The following CNTN5 variants were observed in gnomAD, a reference collection of about 807,000 sequenced individuals.
CNTN5 encodes contactin-5.
In CNTN5, 77 loss-of-function variants were observed where a neutral mutation model predicts 129.1. That is an observed-to-expected ratio of 0.60 (90% confidence interval 0.50 to 0.72). CNTN5 has a LOEUF of 0.72. Among genes scored for constraint, CNTN5 ranks in the 30% least tolerant of loss-of-function variants. The probability of loss-of-function intolerance (pLI) is 0.00; values close to 1 mark genes in which losing one functional copy is unlikely to be tolerated. For missense variants in CNTN5, 1,478 were observed against 1,328.8 expected (o/e 1.11, Z -1.75); for synonymous variants, 509 against 465.6 (o/e 1.09, Z -1.20).
At chr11:99,590,624 T>C (rs1430979794) in intron 3 of CNTN5, among the ~76,000 whole-genome samples, 1 of 152,230 alleles carries the variant, frequency 6.6e-6, no homozygotes, top group African/African-American at 2.4e-5. Context: ...AAAGCCACTA[T>C]GCAGAGTCAT....
chr11:100,289,663 G>T (rs1437322304), intron 18 of CNTN5, among the ~76,000 whole-genome samples: 1 of 151,518 alleles, frequency 6.6e-6, no homozygotes, highest in Non-Finnish European at 1.5e-5. Context: ...ATACCGAATG[G>T]GCAAAAACTG....
chr11:99,271,686 G>T (rs1235225403), intron 1 of CNTN5, among the ~76,000 whole-genome samples: 8 of 151,806 alleles, frequency 5.3e-5, no homozygotes, highest in African/African-American at 1.7e-4. Flanking sequence ...TAGAGCTGCA[G>T]AATTCACTTC....
At chr11:99,251,702 T>TGTA (rs1862113640) in intron 1 of CNTN5, among the ~76,000 whole-genome samples, 1 of 151,950 alleles carries the variant, frequency 6.6e-6, no homozygotes, top group Non-Finnish European at 1.5e-5. Context: ...CGTACAAATA[T>TGTA]GTAGCCTAAT....
At chr11:99,090,228 T>C (rs1169798815) in intron 1 of CNTN5, among the ~76,000 whole-genome samples, 1 of 152,028 alleles carries the variant, frequency 6.6e-6, no homozygotes, top group Non-Finnish European at 1.5e-5. Context: ...GAACCACTTA[T>C]GTTTTTTAAT....
intron 15 of CNTN5, among the ~76,000 whole-genome samples, chr11:100,221,178 A>C (rs1385123598): frequency 6.6e-6 from 1 of 152,216 alleles, no homozygotes; most frequent in Non-Finnish European, 1.5e-5. Context: ...CAGGAAAAGA[A>C]AAAAGAAAGA....
intron 9 of CNTN5, among the ~76,000 whole-genome samples, chr11:100,031,948 C>G (rs570560068): frequency 9.7e-4 from 147 of 152,248 alleles, no homozygotes; most frequent in African/African-American, 3.2e-3. Context: ...TGGTGACCCC[C>G]CTGGACCCAG....
chr11:99,619,432 C>T (rs1298230845), intron 3 of CNTN5, among the ~76,000 whole-genome samples: 5 of 151,970 alleles, frequency 3.3e-5, no homozygotes, highest in African/African-American at 2.4e-5. Context: ...CTAAAATTGA[C>T]CATTTTATGA....
At chr11:99,340,695 A>G (rs1159032170) in intron 2 of CNTN5, among the ~76,000 whole-genome samples, 1 of 152,206 alleles carries the variant, frequency 6.6e-6, no homozygotes, top group East Asian at 1.9e-4. Context: ...TAGGAGAAAA[A>G]GCAAAGAAAG....
At chr11:99,391,050 A>G (rs1941233482) in intron 2 of CNTN5, among the ~76,000 whole-genome samples, 1 of 152,094 alleles carries the variant, frequency 6.6e-6, no homozygotes, top group Non-Finnish European at 1.5e-5. Flanking sequence ...TAATTCAACC[A>G]AAGTAAATAA....
chr11:99,167,482 G>A (rs1940487), intron 1 of CNTN5, among the ~76,000 whole-genome samples: 65,411 of 151,872 alleles, frequency 0.43, 14,938 homozygotes, highest in East Asian at 0.81. Context: ...TGTAAATGCA[G>A]CTACAGAATA....
intron 1 of CNTN5, among the ~76,000 whole-genome samples, chr11:99,072,114 G>A (rs1865363080): frequency 6.6e-6 from 1 of 152,060 alleles, no homozygotes; most frequent in Admixed American, 6.6e-5. Context: ...ACTACTCAAT[G>A]TTGATAGAAA....
At chr11:99,391,003 A>T (rs1440009598) in intron 2 of CNTN5, among the ~76,000 whole-genome samples, 1 of 152,058 alleles carries the variant, frequency 6.6e-6, no homozygotes, top group East Asian at 1.9e-4. Context: ...AATGATTTTA[A>T]CTAAATAACT....
Position 99,451,647 on chromosome 11 carries a change from G to A in CNTN5, c.-70-104498G>A, listed in dbSNP as rs543210452. 7.2e-5 allele frequency among the ~76,000 whole-genome samples: 11 copies of A among 152,060 alleles called. No individual in the cohort carries two copies. In the South Asian group the frequency reaches 2.3e-3, roughly 31 times the overall value. On this transcript the variant is annotated intron_variant, in intron 2 of 24. Coordinates refer to ENST00000524871, the MANE Select transcript of CNTN5 (RefSeq NM_014361.4). Reference sequence around the variant, plus strand: ...TTTTGCCGTGTCTGAAGGATTAGGCGGTAGACATAAGAAATAAAATTATCC... The same window carrying A: ...TTTTGCCGTGTCTGAAGGATTAGGCAGTAGACATAAGAAATAAAATTATCC...
At chr11:99,772,807 T>G (rs1944990555) in intron 3 of CNTN5, among the ~76,000 whole-genome samples, 1 of 152,052 alleles carries the variant, frequency 6.6e-6, no homozygotes, top group Admixed American at 6.6e-5. Flanking sequence ...AGGGCAGTAC[T>G]TCCAGTCTTT....
intron 2 of CNTN5, among the ~76,000 whole-genome samples, chr11:99,353,292 A>G (rs1164406128): frequency 6.6e-6 from 1 of 152,206 alleles, no homozygotes; most frequent in Non-Finnish European, 1.5e-5. Flanking sequence ...AAACTGATGT[A>G]AGTGTACTTC....
chr11:99,677,456 G>A (rs1024902684), intron 3 of CNTN5, among the ~76,000 whole-genome samples: 6 of 152,030 alleles, frequency 3.9e-5, no homozygotes, highest in Admixed American at 6.6e-5. Context: ...TGAACCAGCC[G>A]GTCAAGTTTA....
chr11:99,766,290 G>A (rs187768440), intron 3 of CNTN5, among the ~76,000 whole-genome samples: 6 of 152,068 alleles, frequency 3.9e-5, no homozygotes, highest in African/African-American at 1.2e-4. Flanking sequence ...CAAGCACAGA[G>A]AAGACATTCA....
intron 6 of CNTN5, among the ~76,000 whole-genome samples, chr11:99,860,038 TG>T (rs1948157819): frequency 6.6e-6 from 1 of 152,218 alleles, no homozygotes; most frequent in Non-Finnish European, 1.5e-5. Context: ...ATAGCCATTC[TG>T]ACTGGTGTGA....
chr11:99,771,965 A>C (rs561516679), intron 3 of CNTN5, among the ~76,000 whole-genome samples: 23 of 152,048 alleles, frequency 1.5e-4, no homozygotes, highest in African/African-American at 5.5e-4. Context: ...TGGGAGAAAA[A>C]AAAACCTGAA....
Sources: allele counts gnomAD v4.1 joint callset (sites outside exome capture counted in the v4.1 genomes callset), GRCh38; gene constraint gnomAD v4.1.1; transcripts MANE v1.5; gene names NCBI Gene and HGNC (gene_info 2026-07-23, HGNC 2026-07-21).